Variants in RAB27B observed in about 807,000 individuals in gnomAD.
RAB27B encodes the protein RAB27B, member RAS oncogene family.
RAB27B carries 15 observed loss-of-function variants against 24.6 expected under a neutral mutation model. That is an observed-to-expected ratio of 0.61 (90% CI 0.41 to 0.94). The LOEUF (loss-of-function observed/expected upper bound fraction) is 0.94, where lower values mean the gene tolerates loss of function less well. Among genes scored for constraint, RAB27B ranks in the 40% least tolerant of loss-of-function variants. The pLI is 0.00. For synonymous variants in RAB27B, 105 were observed against 92.5 expected, an observed-to-expected ratio of 1.14 and a Z score of -0.78; for missense variants, 261 against 266.8, an observed-to-expected ratio of 0.98 and a Z score of 0.15.
intron 2 of RAB27B, among the ~76,000 whole-genome samples, chr18:54,805,906 C>T (rs931278228): frequency 6.6e-6 from 1 of 152,006 alleles, no homozygotes; most frequent in African/African-American, 2.4e-5. Context: ...ATGCAAGTAC[C>T]ACTCCATCAA....
At chr18:54,858,181 T>C (rs563265034) in intron 1 of RAB27B, among the ~76,000 whole-genome samples, 1 of 152,316 alleles carries the variant, frequency 6.6e-6, no homozygotes, top group South Asian at 2.1e-4. Flanking sequence ...ATATAAACTC[T>C]CTCATAGTCA....
At chr18:54,831,982 G>T (rs111703931) in intron 1 of RAB27B, among the ~76,000 whole-genome samples, 3,971 of 152,236 alleles carry the variant, frequency 0.026, 171 homozygotes, top group African/African-American at 0.09. Context: ...CACCATGTTG[G>T]TCGGGATAAT....
Position 54,728,811 on chromosome 18 carries a change from G to A in RAB27B, c.-20+10670G>A, listed in dbSNP as rs145047066. On this transcript the variant is annotated intron_variant, in intron 2 of 4. Transcript: ENST00000586570. Reference sequence around the variant, plus strand: ...GAATTGCTTTAACCAGGGGGACAGAGGTTGCTGTGAACCAAGATCACACCA... The same window carrying A: ...GAATTGCTTTAACCAGGGGGACAGAAGTTGCTGTGAACCAAGATCACACCA... 4.3e-3 allele frequency among the ~76,000 whole-genome samples: 577 copies of A among 135,394 alleles called. 8 individuals are homozygous for A. The highest frequency in any genetic ancestry group is 0.015 in the African/African-American group (539 of 35,976). 88.8% of individuals were successfully genotyped at this position (135,394 alleles called of 152,430 possible).
intron 2 of RAB27B, among the ~76,000 whole-genome samples, chr18:54,772,616 C>T (rs970958646): frequency 3.3e-5 from 5 of 152,130 alleles, no homozygotes; most frequent in Non-Finnish European, 5.9e-5. Flanking sequence ...TAACTAGTTA[C>T]GTTGACTTAA....
intron 2 of RAB27B, among the ~76,000 whole-genome samples, chr18:54,725,261 C>T (rs1909493634): frequency 6.6e-6 from 1 of 151,506 alleles, no homozygotes. Context: ...GCACTGAAAA[C>T]AATAGGTATC....
intron 2 of RAB27B, among the ~76,000 whole-genome samples, chr18:54,796,457 G>A (rs1327540744): frequency 6.6e-6 from 1 of 152,186 alleles, no homozygotes; most frequent in Non-Finnish European, 1.5e-5. Flanking sequence ...GTGAATGCAA[G>A]CTTTTATTGA....
rs534723980 is a variant in RAB27B at position 54,741,520 on chromosome 18, G to A, written c.-20+23379G>A. 1.4e-4 allele frequency among the ~76,000 whole-genome samples: 22 copies of A among 152,048 alleles called. No homozygotes were observed. The East Asian group carries it at 3.3e-3, about 23-fold the overall frequency. ...TTTTTTCTTCTTTTTTTGAGACAGGGCCTCGCTGTGTTGCACAGGTTGGAG... is the reference window on the plus strand; with the variant it reads ...TTTTTTCTTCTTTTTTTGAGACAGGACCTCGCTGTGTTGCACAGGTTGGAG... On this transcript the variant is annotated intron_variant, in intron 2 of 4. Transcript: ENST00000586570.
At chr18:54,790,890 C>A (rs1180108026) in intron 2 of RAB27B, among the ~76,000 whole-genome samples, 2 of 152,166 alleles carry the variant, frequency 1.3e-5, no homozygotes, top group Non-Finnish European at 2.9e-5. Flanking sequence ...CATCACTGAA[C>A]TTCTTCAACT....
chr18:54,760,320 A>C (rs1178553214), intron 2 of RAB27B, among the ~76,000 whole-genome samples: 1 of 152,164 alleles, frequency 6.6e-6, no homozygotes, highest in Non-Finnish European at 1.5e-5. Context: ...ATTCAGAGGG[A>C]TAGGAATACA....
Position 54,889,329 on chromosome 18 carries a change from G to A in RAB27B, c.573G>A (p.Lys191=), listed in dbSNP as rs757459786. The change falls in exon 6 of 6, where the codon AAG becomes AAA. Residue 191 remains lysine (K), a synonymous_variant. Coordinates refer to ENST00000262094, the MANE Select transcript of RAB27B (RefSeq NM_004163.4). ...IMKRMEQCVE[K]TQIPDTVNGG... ...AGCGAATGGAACAGTGTGTGGAGAAGACACAAATCCCTGATACTGTCAATG... is the reference window on the plus strand; with the variant it reads ...AGCGAATGGAACAGTGTGTGGAGAAAACACAAATCCCTGATACTGTCAATG... 4 of 1,613,292 alleles carry A rather than the reference G, an allele frequency of 2.5e-6. No individual in the cohort carries two copies.
intron 2 of RAB27B, among the ~76,000 whole-genome samples, chr18:54,732,680 G>C (rs1213583976): frequency 1.3e-5 from 2 of 152,136 alleles, no homozygotes; most frequent in Non-Finnish European, 2.9e-5. Context: ...CTAGTTCAGA[G>C]AGCATTTAAG....
At chr18:54,833,234 C>CTTTTTTTTTTTTTTTTTTTTTT (rs559070445) in intron 1 of RAB27B, among the ~76,000 whole-genome samples, 3 of 129,518 alleles carry the variant, frequency 2.3e-5, no homozygotes, top group African/African-American at 2.9e-5. Flanking sequence ...TTCTTTCTTT[C>CTTTTTTTTTTTTTTTTTTTTTT]TTTTTTTTTT....
intron 2 of RAB27B, among the ~76,000 whole-genome samples, chr18:54,718,464 C>T (rs541472966): frequency 3.9e-5 from 6 of 152,276 alleles, no homozygotes; most frequent in Admixed American, 3.9e-4. Context: ...AAAGACTGTC[C>T]TTTCTAATCA....
chr18:54,748,361 C>T (rs1910320660), intron 2 of RAB27B, among the ~76,000 whole-genome samples: 1 of 152,036 alleles, frequency 6.6e-6, no homozygotes, highest in Non-Finnish European at 1.5e-5. Context: ...ACTTCTATGC[C>T]TTAACACACT....
chr18:54,726,164 T>A (rs772127659), intron 2 of RAB27B, among the ~76,000 whole-genome samples: 9 of 151,516 alleles, frequency 5.9e-5, no homozygotes, highest in Non-Finnish European at 8.9e-5. Flanking sequence ...TAAGAAAGAC[T>A]CTAGACCTAC....
chr18:54,887,849 T>G (rs1006458029), intron 4 of RAB27B, 146 bp from the exon 5 acceptor site: 2 of 831,552 alleles, frequency 2.4e-6, no homozygotes, highest in African/African-American at 3.4e-5. Context: ...ACATTGTGAC[T>G]GGGAAGAGGA....
At chr18:54,747,651 A>G (rs1012855130) in intron 2 of RAB27B, among the ~76,000 whole-genome samples, 2 of 152,162 alleles carry the variant, frequency 1.3e-5, no homozygotes, top group Non-Finnish European at 2.9e-5. Context: ...ATATGAGTTC[A>G]TTTAAATTCT....
rs1313031213 is a variant in RAB27B at position 54,888,124 on chromosome 18, T to A, written c.467+6T>A. On this transcript the variant is annotated splice_donor_region_variant and intron_variant, in intron 5 of 5. Transcript: ENST00000262094. ...GAACTGGCTGACAAATATGGGTAAG[T>A]CAGTTACACTGAGATGGCATGTGAC... is the stretch of plus-strand genomic sequence containing the variant. 1 of 1,612,118 alleles carries A rather than the reference T, an allele frequency of 6.2e-7. No individual in the cohort carries two copies. Among genetic ancestry groups the A allele is most frequent in the African/African-American group, 1.3e-5 (1 of 74,802 alleles).
At chr18:54,783,877 A>G (rs996564737) in intron 2 of RAB27B, among the ~76,000 whole-genome samples, 2 of 151,880 alleles carry the variant, frequency 1.3e-5, no homozygotes, top group Admixed American at 1.3e-4. Flanking sequence ...CTGGACTCTC[A>G]TAATTACATA....
Sources: allele counts gnomAD v4.1 joint callset (sites outside exome capture counted in the v4.1 genomes callset), GRCh38; gene constraint gnomAD v4.1.1; transcripts MANE v1.5; gene names NCBI Gene and HGNC (gene_info 2026-07-23, HGNC 2026-07-21).